The following MTMR12 variants were observed in gnomAD, a reference collection of about 807,000 sequenced individuals.
MTMR12 encodes myotubularin-related protein 12.
In MTMR12, 33 loss-of-function variants were observed where a neutral mutation model predicts 96.7. The observed-to-expected ratio is 0.34, with a 90% CI of 0.26 to 0.46. The LOEUF is 0.46. Ranked by LOEUF, MTMR12 falls within the 20% of genes least tolerant of loss-of-function variation. The probability of loss-of-function intolerance (pLI) is 1.00; values close to 1 mark genes in which losing one functional copy is unlikely to be tolerated. For missense variants in MTMR12, 721 were observed against 896.1 expected (o/e 0.80, Z 2.49); for synonymous variants, 298 against 327.2 (o/e 0.91, Z 0.96).
intron 7 of MTMR12, among the ~76,000 whole-genome samples, chr5:32,261,358 G>C (rs1749355039): frequency 6.6e-6 from 1 of 151,916 alleles, no homozygotes. Context: ...CCATCCCTGG[G>C]CACCTTGCTG....
At chr5:32,274,820 C>T (rs1359825157) in intron 2 of MTMR12, among the ~76,000 whole-genome samples, 3 of 152,132 alleles carry the variant, frequency 2.0e-5, no homozygotes, top group East Asian at 1.9e-4. Context: ...ACCCAGCCGA[C>T]GTGAGAAGCT....
At chr5:32,252,699 CAAT>C (rs1381965321) in intron 8 of MTMR12, among the ~76,000 whole-genome samples, 3 of 152,272 alleles carry the variant, frequency 2.0e-5, no homozygotes, top group Non-Finnish European at 4.4e-5. Context: ...CATTTTAAAA[CAAT>C]AATTACCAAT....
intron 2 of MTMR12, 50 bp from the exon 3 acceptor site, chr5:32,274,172 A>T (rs376815234): frequency 3.8e-6 from 6 of 1,591,148 alleles, no homozygotes; most frequent in Non-Finnish European, 5.1e-6. Flanking sequence ...GGAACATACG[A>T]TATGCAAACA....
chr5:32,272,773 T>C (rs141875373), intron 3 of MTMR12, among the ~76,000 whole-genome samples: 34 of 152,242 alleles, frequency 2.2e-4, no homozygotes, highest in Non-Finnish European at 2.8e-4. Context: ...CAGGTTAACA[T>C]TTCTCCACAC....
At chr5:32,287,866 T>C (rs1750599886) in intron 1 of MTMR12, among the ~76,000 whole-genome samples, 1 of 152,160 alleles carries the variant, frequency 6.6e-6, no homozygotes, top group Non-Finnish European at 1.5e-5. Context: ...TGACCATATG[T>C]GGAGAACCAA....
chr5:32,229,886 C>A lies in MTMR12; in HGVS notation c.2136G>T (p.Gln712His). The A allele has an allele frequency of 1.2e-6, 2 of 1,612,936 alleles. No homozygotes were observed. The highest frequency in any genetic ancestry group is 2.2e-5 in the South Asian group (2 of 90,912). ...LSSLFPFALL[Q>H]RHSSKPVLPT... is the part of the protein sequence containing the mutation. ...GTAAGACGGGCTTAGAGGAATGTCG[C>A]TGGAGCAGAGCGAAAGGAAACAAAG... Residue 712 changes from glutamine to histidine, a missense_variant, in exon 16 of 16, where the codon CAG (glutamine) becomes CAT (histidine). Gln to His is a conservative substitution (Grantham distance 24, BLOSUM62 0). Coordinates refer to ENST00000382142, the MANE Select transcript of MTMR12 (RefSeq NM_001040446.3).
chr5:32,310,844 A>G lies in MTMR12; in HGVS notation c.81+1914T>C, dbSNP rs999348005. Among the ~76,000 whole-genome samples, 13 of 152,124 alleles carry G rather than the reference A, an allele frequency of 8.5e-5. No individual in the cohort carries two copies. In the South Asian group the frequency reaches 2.1e-3, roughly 24 times the overall value. ...GCTTGCAGTGATGGATACCCCATTC[A>G]TGCATTGTATGCCTGTATCCAAAGA... On this transcript the variant is annotated intron_variant, in intron 1 of 15. Transcript: ENST00000382142.
intron 2 of MTMR12, among the ~76,000 whole-genome samples, chr5:32,275,014 G>C (rs780786513): frequency 6.6e-6 from 1 of 152,016 alleles, no homozygotes; most frequent in Non-Finnish European, 1.5e-5. Context: ...AAACCCAAAG[G>C]ATTTTTCTTC....
At chr5:32,237,082 C>A (rs775931882) in intron 13 of MTMR12, among the ~76,000 whole-genome samples, 15 of 152,214 alleles carry the variant, frequency 9.9e-5, no homozygotes, top group Admixed American at 9.8e-4. Flanking sequence ...ACCCAAGGAA[C>A]CTGCCAAGCC....
intron 12 of MTMR12, among the ~76,000 whole-genome samples, chr5:32,240,398 CAA>C (rs72026064): frequency 6.4e-4 from 64 of 99,990 alleles, no homozygotes; most frequent in East Asian, 5.5e-4. Flanking sequence ...GACTCCGTCT[CAA>C]AAAAAAAAAA....
chr5:32,298,415 G>GT (rs2112148644), intron 1 of MTMR12, among the ~76,000 whole-genome samples: 1 of 152,252 alleles, frequency 6.6e-6, no homozygotes, highest in African/African-American at 2.4e-5. Flanking sequence ...TGAATTGCAG[G>GT]TATCAAGCTC....
intron 1 of MTMR12, among the ~76,000 whole-genome samples, chr5:32,303,467 CAGG>C (rs1289653791): frequency 1.3e-5 from 2 of 152,142 alleles, no homozygotes; most frequent in East Asian, 3.8e-4. Context: ...CCAAAGCCAA[CAGG>C]AGATTAGAGA....
At chr5:32,238,626 A>C (rs149698022) in intron 13 of MTMR12, among the ~76,000 whole-genome samples, 2 of 152,152 alleles carry the variant, frequency 1.3e-5, no homozygotes, top group African/African-American at 2.4e-5. Context: ...TCTGTAGAAA[A>C]CCTGCACCCT....
intron 3 of MTMR12, 97 bp downstream of exon 3, chr5:32,273,883 T>TCCGG: frequency 6.6e-7 from 1 of 1,523,374 alleles, no homozygotes; most frequent in Non-Finnish European, 8.9e-7. Context: ...TTTATGTGTG[T>TCCGG]TAGGGGGTAG....
intron 2 of MTMR12, 62 bp downstream of exon 2, chr5:32,276,620 A>G: frequency 1.5e-6 from 2 of 1,370,044 alleles, no homozygotes; most frequent in Non-Finnish European, 1.0e-6. Context: ...AAGGCTAGGG[A>G]TGATGTAATT....
intron 1 of MTMR12, among the ~76,000 whole-genome samples, chr5:32,295,493 C>T (rs1750891246): frequency 6.6e-6 from 1 of 152,188 alleles, no homozygotes; most frequent in African/African-American, 2.4e-5. Context: ...CCAAACATGA[C>T]ACTCAAGGGA....
intron 7 of MTMR12, among the ~76,000 whole-genome samples, chr5:32,258,978 T>A (rs1367254889): frequency 6.6e-6 from 1 of 150,912 alleles, no homozygotes. Context: ...CAGAGAAGGC[T>A]GTACAGAGAC....
intron 10 of MTMR12, among the ~76,000 whole-genome samples, chr5:32,245,553 C>T (rs1281571249): frequency 6.6e-6 from 1 of 152,080 alleles, no homozygotes; most frequent in East Asian, 1.9e-4. Flanking sequence ...TATGGCTGGG[C>T]ATGGTGGCTC....
chr5:32,238,013 G>A (rs967383100), intron 13 of MTMR12, among the ~76,000 whole-genome samples: 10 of 151,474 alleles, frequency 6.6e-5, no homozygotes, highest in Non-Finnish European at 1.2e-4. Context: ...GCATGGTAGC[G>A]CACACCTGTA....
Sources: gnomAD v4.1 joint callset for allele counts (sites outside exome capture counted in the v4.1 genomes callset) on GRCh38, gnomAD v4.1.1 for gene constraint, MANE v1.5 for transcripts, NCBI Gene and HGNC (gene_info 2026-07-23, HGNC 2026-07-21) for gene names.